POLE: variants seen among roughly 807,000 people sequenced by gnomAD.
POLE encodes DNA polymerase epsilon catalytic subunit A.
A neutral mutation model predicts 279.2 loss-of-function variants in POLE; 188 were observed. The ratio of observed to expected loss-of-function variants is 0.67; its 90% CI spans 0.60 to 0.76. The LOEUF (loss-of-function observed/expected upper bound fraction) is 0.76. POLE is among the 30% of genes least tolerant of loss of function. The probability of loss-of-function intolerance (pLI) is 0.00; values close to 1 mark genes in which losing one functional copy is unlikely to be tolerated. For synonymous variants in POLE, 1,214 were observed against 1,172.5 expected (o/e 1.04, Z -0.72); for missense variants, 2,703 against 3,016.7 (o/e 0.90, Z 2.44).
chr12:132,663,103 A>G (rs1044703468), intron 23 of POLE, among the ~76,000 whole-genome samples: 1 of 152,144 alleles, frequency 6.6e-6, no homozygotes, highest in Non-Finnish European at 1.5e-5. Flanking sequence ...AAGCTTATGG[A>G]GCAGCTGTGG....
chr12:132,624,611 T>C lies in POLE; in HGVS notation c.*86A>G. Reference sequence around the variant, plus strand: ...AGGTTTGGACAGTCAGGGTGGTCAGTGGTCTGGTCACTGGAAGCACGGGGA... The same window carrying C: ...AGGTTTGGACAGTCAGGGTGGTCAGCGGTCTGGTCACTGGAAGCACGGGGA... On this transcript the variant is annotated 3_prime_UTR_variant, in exon 49 of 49. Transcript: ENST00000320574. 2.4e-6 allele frequency: 2 copies of C among 817,872 alleles called. No homozygotes were observed. The highest frequency in any genetic ancestry group is 1.7e-5 in the Admixed American group (1 of 58,800). The allele number at this position is 817,872 out of a possible 1,614,324, so 50.7% of individuals were successfully genotyped here.
At chr12:132,667,000 T>G (rs1296695532) in intron 20 of POLE, among the ~76,000 whole-genome samples, 2 of 152,016 alleles carry the variant, frequency 1.3e-5, no homozygotes, top group Non-Finnish European at 2.9e-5. Context: ...AATGGCTCAA[T>G]CTGATCAGAT....
At position 132,639,886 on chromosome 12, in the gene POLE, G is replaced by C. The variant is rs143221418; in HGVS notation, c.5379-588C>G. 0.017 allele frequency among the ~76,000 whole-genome samples: 2,591 copies of C among 152,296 alleles called. 63 individuals are homozygous for C. Among genetic ancestry groups the C allele is most frequent in the African/African-American group, 0.057 (2,375 of 41,542 alleles). On this transcript the variant is annotated intron_variant, in intron 39 of 48. Transcript: ENST00000320574. The surrounding 1 kb of genome is among the most constrained non-coding windows in gnomAD (Gnocchi z 4.7). ...CGCTTGAACCCGGGAGGTGGAGGTT[G>C]CAGTGACCCAAGATGGTGCCACTGC...
rs1223305093 is a variant in POLE at position 132,680,633 on chromosome 12, T to C, written c.259A>G (p.Ile87Val). ...RLGSAVDYYF[I>V]QDDGSRFKVA... ...TTAAATCTGCTTCCGTCATCTTGAA[T>C]AAAGTAGTAATCCACTGCACTGCCT... The change falls in exon 3 of 49, where the codon ATT becomes GTT. Residue 87 changes from isoleucine (I) to valine (V), a missense_variant. By Grantham distance (29) the Ile-to-Val change is conservative. Coordinates refer to ENST00000320574, the MANE Select transcript of POLE (RefSeq NM_006231.4). 5.6e-6 allele frequency: 9 copies of C among 1,614,032 alleles called. No homozygotes were observed. The Admixed American group carries it at 6.7e-5, about 12-fold the overall frequency.
At chr12:132,638,784 C>T (rs941067436) in intron 40 of POLE, 3 of 270,318 alleles carry the variant, frequency 1.1e-5, no homozygotes, top group Non-Finnish European at 1.4e-5. Context: ...TGGAGAGAGG[C>T]TAAATGTTCT....
chr12:132,676,427 C>T (rs534844272), intron 9 of POLE, 119 bp downstream of exon 9: 22 of 769,044 alleles, frequency 2.9e-5, no homozygotes, highest in East Asian at 2.1e-4. Context: ...TGCTCCCATT[C>T]CTGGACTAAC....
intron 45 of POLE, among the ~76,000 whole-genome samples, chr12:132,627,763 C>T (rs1036975519): frequency 4.6e-5 from 7 of 152,198 alleles, no homozygotes; most frequent in Non-Finnish European, 7.3e-5. Context: ...GAGGGTCTTG[C>T]CTCAATGTAA....
chr12:132,682,428 G>C (rs995237736), intron 1 of POLE, among the ~76,000 whole-genome samples: 2 of 152,074 alleles, frequency 1.3e-5, no homozygotes, highest in Non-Finnish European at 2.9e-5. Flanking sequence ...AGGTTGCAGT[G>C]AGCCAAGATT....
chr12:132,641,283 G>A (rs771192302), intron 39 of POLE: 8 of 377,016 alleles, frequency 2.1e-5, no homozygotes, highest in East Asian at 6.7e-5. Context: ...GCAGCAGACC[G>A]ACGGCTCCTG....
chr12:132,658,890 A>G, intron 26 of POLE, among the ~76,000 whole-genome samples: 1 of 148,424 alleles, frequency 6.7e-6, no homozygotes, highest in East Asian at 1.9e-4. Flanking sequence ...CCAAAAAAAA[A>G]AAAAAAAAAA....
In POLE at chr12:132,675,993, A is replaced by T; in HGVS notation, c.1020+101T>A. The T allele has an allele frequency of 1.1e-6, 1 of 943,382 alleles. No homozygotes were observed. The highest frequency in any genetic ancestry group is 1.7e-6 in the Non-Finnish European group (1 of 605,634). The allele number at this position is 943,382 out of a possible 1,614,324, so 58.4% of individuals were successfully genotyped here. ...CATACCCTGAGAACAAAGCTCATGGAGCTGCAATTCTGATCTGACGGAATG... is the reference window on the plus strand; with the variant it reads ...CATACCCTGAGAACAAAGCTCATGGTGCTGCAATTCTGATCTGACGGAATG... On this transcript the variant is annotated intron_variant, in intron 10 of 48. Coordinates refer to ENST00000320574, the MANE Select transcript of POLE (RefSeq NM_006231.4). This position sits in a 1 kb window ranked among gnomAD's most constrained non-coding sequence, Gnocchi z 4.3.
intron 23 of POLE, among the ~76,000 whole-genome samples, chr12:132,662,032 G>C (rs1194805679): frequency 6.6e-6 from 1 of 152,218 alleles, no homozygotes; most frequent in Admixed American, 6.5e-5. Context: ...CAGCTGTTTT[G>C]TGTTGCTTCG....
At chr12:132,633,162 CTT>C (rs35854836) in intron 43 of POLE, 3,063 of 146,112 alleles carry the variant, frequency 0.021, 82 homozygotes, top group African/African-American at 0.052. Context: ...GGCACTTACC[CTT>C]TTTTTTTTTT....
At chr12:132,631,129 G>A (rs5745047) in intron 45 of POLE, among the ~76,000 whole-genome samples, 24,291 of 152,224 alleles carry the variant, frequency 0.16, 2,060 homozygotes, top group Admixed American at 0.19. Context: ...AACAGAAAGG[G>A]AGTTCTGATA....
rs1368389705 is a variant in POLE at position 132,639,386 on chromosome 12, T to A, written c.5379-88A>T. ...CGCTCCAACTGAAATGGGCACAGGT[T>A]TTCCCTACACGGCTGGGTCCAAATC... On this transcript the variant is annotated intron_variant, in intron 39 of 48. Coordinates refer to ENST00000320574, the MANE Select transcript of POLE (RefSeq NM_006231.4). This position sits in a 1 kb window ranked among gnomAD's most constrained non-coding sequence, Gnocchi z 4.7. The A allele has an allele frequency of 2.3e-6, 3 of 1,283,326 alleles. No homozygotes were observed. The highest frequency in any genetic ancestry group is 2.2e-6 in the Non-Finnish European group (2 of 911,988). 79.5% of individuals were successfully genotyped at this position (1,283,326 alleles called of 1,614,324 possible). A position where few individuals can be genotyped will look rare whatever the true frequency, so the allele number is the denominator to read the frequency against.
At chr12:132,637,774 C>A (rs2042062420) in intron 41 of POLE, among the ~76,000 whole-genome samples, 1 of 152,260 alleles carries the variant, frequency 6.6e-6, no homozygotes, top group Non-Finnish European at 1.5e-5. Flanking sequence ...ACCTTCTTAG[C>A]AAAGGCAGGC....
chr12:132,657,249 G>C lies in POLE; in HGVS notation c.3469C>G (p.Pro1157Ala), dbSNP rs1593766098. ...IPAALQQVKN[P>A]VPRVKHPDWL... Reference sequence around the variant, plus strand: ...TCGGGGTGTTTGACACGTGGCACTGGGTTCTTTACCTGTGTGAGGCCAACA... The same window carrying C: ...TCGGGGTGTTTGACACGTGGCACTGCGTTCTTTACCTGTGTGAGGCCAACA... Residue 1157 changes from proline (P) to alanine (A), a missense_variant, in exon 29 of 49, where the codon CCA (proline) becomes GCA (alanine). Physicochemically the swap from Pro to Ala is conservative, Grantham distance 27. This residue lies in a region of POLE where 1,551 missense variants were observed against 1,686.1 expected (regional missense o/e 0.92). Transcript: ENST00000320574. 1.7e-5 allele frequency: 27 copies of C among 1,613,988 alleles called. No individual in the cohort carries two copies. The highest frequency in any genetic ancestry group is 2.3e-5 in the Non-Finnish European group (27 of 1,180,006).
At chr12:132,680,293 G>T in intron 3 of POLE, 71 bp from the exon 4 acceptor site, 1 of 1,397,580 alleles carries the variant, frequency 7.2e-7, no homozygotes, top group African/African-American at 1.4e-5. Context: ...AAAACACATT[G>T]CTTGCTCCTA....
chr12:132,646,420 T>G (rs898174121), intron 32 of POLE, among the ~76,000 whole-genome samples: 7 of 151,894 alleles, frequency 4.6e-5, no homozygotes, highest in Non-Finnish European at 1.0e-4. Flanking sequence ...TTACAGTAAG[T>G]CCTCACTTAA....
Sources: gnomAD v4.1 joint callset for allele counts (sites outside exome capture counted in the v4.1 genomes callset) on GRCh38, gnomAD v4.1.1 for gene constraint, gnomAD v4.1.1 regional missense constraint, Gnocchi (gnomAD v3.1) non-coding constraint, MANE v1.5 for transcripts, NCBI Gene and HGNC (gene_info 2026-07-23, HGNC 2026-07-21) for gene names.